Variants in RAB11FIP3 observed in about 807,000 individuals in gnomAD.
RAB11FIP3 encodes rab11 family-interacting protein 3.
Under a neutral mutation model 77.8 loss-of-function variants are expected in RAB11FIP3, and 17 were observed. The observed-to-expected ratio is 0.22, with a 90% CI of 0.15 to 0.33. The LOEUF (loss-of-function observed/expected upper bound fraction) is 0.33, where lower values mean the gene tolerates loss of function less well. RAB11FIP3 is among the 10% of genes least tolerant of loss of function. RAB11FIP3 has a pLI of 1.00. For missense variants in RAB11FIP3, 1,005 were observed against 1,011.2 expected (o/e 0.99, Z 0.08); for synonymous variants, 437 against 448.2 (o/e 0.98, Z 0.31).
intron 1 of RAB11FIP3, among the ~76,000 whole-genome samples, chr16:433,584 C>T (rs1384334111): frequency 6.6e-6 from 1 of 151,734 alleles, no homozygotes; most frequent in Non-Finnish European, 1.5e-5. Context: ...TGCGGTGGCT[C>T]ACGCCTGTAA....
chr16:497,085 G>A, intron 6 of RAB11FIP3: 1 of 556,786 alleles, frequency 1.8e-6, no homozygotes, highest in South Asian at 2.0e-5. Flanking sequence ...ACGTGTCAGA[G>A]CTTTTGGTGC....
intron 1 of RAB11FIP3, chr16:451,461 A>AG (rs1304831220): frequency 6.6e-6 from 1 of 152,240 alleles, no homozygotes; most frequent in Non-Finnish European, 1.5e-5. Context: ...GAAAGGTGTC[A>AG]GGGAGGGGTA....
At position 461,691 on chromosome 16, in the gene RAB11FIP3, GA is replaced by G. The variant is rs1297808320; in HGVS notation, c.808+196del. On this transcript the variant is annotated intron_variant, in intron 2 of 13. Transcript: ENST00000262305. The surrounding 1 kb of genome is among the most constrained non-coding windows in gnomAD (Gnocchi z 4.5). Reference sequence around the variant, plus strand: ...TTCTCCTCACATACCCTGTTTTCCAGAATTTGCTGCGTTAACTACTTTTCCA... The same window carrying G: ...TTCTCCTCACATACCCTGTTTTCCAGATTTGCTGCGTTAACTACTTTTCCA... Among the ~76,000 whole-genome samples the G allele has an allele frequency of 6.6e-6, 1 of 152,000 alleles. No individual in the cohort carries two copies. Among genetic ancestry groups the G allele is most frequent in the Non-Finnish European group, 1.5e-5 (1 of 68,018 alleles).
Position 517,249 on chromosome 16 carries a change from TCA to T in RAB11FIP3, c.1641-1691_1641-1690del, listed in dbSNP as rs1177845867. Among the ~76,000 whole-genome samples the T allele has an allele frequency of 3.3e-5, 5 of 152,146 alleles. No homozygotes were observed. In the East Asian group the frequency reaches 9.7e-4, roughly 30 times the overall value. ...GAAAACACAGGAAAGTCTGGGAGACTCACAGACCAGGGGACGGAGGAGACAAA... is the reference window on the plus strand; with the variant it reads ...GAAAACACAGGAAAGTCTGGGAGACTCAGACCAGGGGACGGAGGAGACAAA... On this transcript the variant is annotated intron_variant, in intron 9 of 13. Transcript: ENST00000262305.
chr16:511,862 C>A (rs1354067497), intron 9 of RAB11FIP3, among the ~76,000 whole-genome samples: 2 of 138,622 alleles, frequency 1.4e-5, no homozygotes, highest in Admixed American at 7.2e-5. Context: ...ACCTGCAGGC[C>A]AGGTAGGAGT....
chr16:504,895 C>CT (rs1362808456), intron 7 of RAB11FIP3, among the ~76,000 whole-genome samples: 1 of 28,796 alleles, frequency 3.5e-5, no homozygotes, highest in Non-Finnish European at 7.1e-5. Context: ...TCCTGCTCCC[C>CT]CACCTCCTCC....
intron 7 of RAB11FIP3, among the ~76,000 whole-genome samples, chr16:503,578 G>C (rs548770858): frequency 2.0e-5 from 3 of 152,100 alleles, no homozygotes; most frequent in African/African-American, 4.8e-5. Context: ...CAGCCTTGCC[G>C]TGGTCAAGAC....
intron 1 of RAB11FIP3, among the ~76,000 whole-genome samples, chr16:456,928 G>A (rs572925851): frequency 6.6e-6 from 1 of 152,092 alleles, no homozygotes; most frequent in South Asian, 2.1e-4. Context: ...AGTGCCATTG[G>A]GAGATACTGT....
chr16:512,619 C>T (rs1019472931), intron 9 of RAB11FIP3, among the ~76,000 whole-genome samples: 1 of 150,278 alleles, frequency 6.7e-6, no homozygotes, highest in Non-Finnish European at 1.5e-5. Context: ...TCTTGGCTCA[C>T]CACAACCTCT....
chr16:435,743 A>G (rs2055117240), intron 1 of RAB11FIP3, among the ~76,000 whole-genome samples: 2 of 151,928 alleles, frequency 1.3e-5, no homozygotes, highest in Admixed American at 6.5e-5. Flanking sequence ...AAGGGAATCT[A>G]GTAAAAAAAA....
intron 1 of RAB11FIP3, among the ~76,000 whole-genome samples, chr16:427,695 C>A (rs888731684): frequency 6.6e-6 from 1 of 152,182 alleles, no homozygotes; most frequent in Admixed American, 6.5e-5. Context: ...CTCACACATG[C>A]AGACATCTGG....
intron 6 of RAB11FIP3, chr16:497,305 TG>T: frequency 7.7e-7 from 1 of 1,304,350 alleles, no homozygotes; most frequent in Non-Finnish European, 1.0e-6. Flanking sequence ...CGTATAGATC[TG>T]TTGGCTTCCT....
rs1043093851 is a variant in RAB11FIP3, at chr16:514,810, C to T, written c.1640+4010C>T. On this transcript the variant is annotated intron_variant, in intron 9 of 13. Coordinates refer to ENST00000262305, the MANE Select transcript of RAB11FIP3 (RefSeq NM_014700.4). The surrounding 1 kb of genome is among the most constrained non-coding windows in gnomAD (Gnocchi z 4.6). Reference sequence around the variant, plus strand: ...GCCACAGTGGCATGTCCACAGAGACCGGGGCCTGATTTGCAGCTTGTGGCA... The same window carrying T: ...GCCACAGTGGCATGTCCACAGAGACTGGGGCCTGATTTGCAGCTTGTGGCA... 2.0e-5 allele frequency among the ~76,000 whole-genome samples: 3 copies of T among 152,172 alleles called. No homozygotes were observed. The highest frequency in any genetic ancestry group is 6.5e-5 in the Admixed American group (1 of 15,284).
Position 514,017 on chromosome 16 carries a change from C to G in RAB11FIP3, c.1640+3217C>G, listed in dbSNP as rs548038217. 6.6e-6 allele frequency among the ~76,000 whole-genome samples: 1 copy of G among 152,212 alleles called. No homozygotes were observed. The highest frequency in any genetic ancestry group is 1.5e-5 in the Non-Finnish European group (1 of 68,038). On this transcript the variant is annotated intron_variant, in intron 9 of 13. Transcript: ENST00000262305. This position sits in a 1 kb window ranked among gnomAD's most constrained non-coding sequence, Gnocchi z 4.6. The stretch of plus-strand genomic sequence containing the variant: ...GGGCACAGCCGTGTGGACATCCTGC[C>G]GCCTCTGTGTGCTCTGGTGTGGAGG...
In RAB11FIP3 at chr16:426,790, A is replaced by G. The variant is rs1172511711; in HGVS notation, c.714+70A>G. On this transcript the variant is annotated intron_variant, in intron 1 of 13. Coordinates refer to ENST00000262305, the MANE Select transcript of RAB11FIP3 (RefSeq NM_014700.4). The surrounding 1 kb of genome is among the most constrained non-coding windows in gnomAD (Gnocchi z 5.0). Reference sequence around the variant, plus strand: ...CGCTGGCCGGCGGGGTTGATGTGGGACCGGTCGACGCTGCCCCTGGAGTCG... The same window carrying G: ...CGCTGGCCGGCGGGGTTGATGTGGGGCCGGTCGACGCTGCCCCTGGAGTCG... 7.7e-7 allele frequency: 1 copy of G among 1,292,058 alleles called. No individual in the cohort carries two copies. Among genetic ancestry groups the G allele is most frequent in the Admixed American group, 2.7e-5 (1 of 36,458 alleles). The allele number at this position is 1,292,058 out of a possible 1,614,324, so 80.0% of individuals were successfully genotyped here.
intron 1 of RAB11FIP3, among the ~76,000 whole-genome samples, chr16:437,581 A>G (rs2055151188): frequency 6.6e-6 from 1 of 151,072 alleles, no homozygotes; most frequent in Non-Finnish European, 1.5e-5. Flanking sequence ...AAAAAAAAAA[A>G]AAAAAAAAAA....
chr16:505,316 G>A lies in RAB11FIP3; in HGVS notation c.1396-208G>A, dbSNP rs1567403128. Reference sequence around the variant, plus strand: ...GCGGCACTGTGTGCATTTGTGGGTCGAATGACAGTGCTCCCCAAGACCCCG... The same window carrying A: ...GCGGCACTGTGTGCATTTGTGGGTCAAATGACAGTGCTCCCCAAGACCCCG... On this transcript the variant is annotated intron_variant, in intron 7 of 13. Coordinates refer to ENST00000262305, the MANE Select transcript of RAB11FIP3 (RefSeq NM_014700.4). This position sits in a 1 kb window ranked among gnomAD's most constrained non-coding sequence, Gnocchi z 4.0. Among the ~76,000 whole-genome samples, 1 of 152,088 alleles carries A rather than the reference G, an allele frequency of 6.6e-6. No individual in the cohort carries two copies. Among genetic ancestry groups the A allele is most frequent in the African/African-American group, 2.4e-5 (1 of 41,412 alleles).
At chr16:429,470 C>T (rs940598980) in intron 1 of RAB11FIP3, among the ~76,000 whole-genome samples, 1 of 151,920 alleles carries the variant, frequency 6.6e-6, no homozygotes, top group African/African-American at 2.4e-5. Context: ...ACATTACTGT[C>T]CTTGATGATA....
chr16:441,539 C>G (rs559782803), intron 1 of RAB11FIP3, among the ~76,000 whole-genome samples: 1 of 152,300 alleles, frequency 6.6e-6, no homozygotes, highest in South Asian at 2.1e-4. Flanking sequence ...CTGTAACAGT[C>G]ATAAAATAAT....
Sources: gnomAD v4.1 joint callset for allele counts (sites outside exome capture counted in the v4.1 genomes callset) on GRCh38, gnomAD v4.1.1 for gene constraint, Gnocchi (gnomAD v3.1) non-coding constraint, MANE v1.5 for transcripts, NCBI Gene and HGNC (gene_info 2026-07-23, HGNC 2026-07-21) for gene names.